Variants in CRYBA4 observed in about 807,000 individuals in gnomAD.
CRYBA4 encodes the protein beta-crystallin A4.
CRYBA4 carries 30 observed loss-of-function variants against 31.7 expected under a neutral mutation model. The observed-to-expected ratio is 0.95, with a 90% CI of 0.71 to 1.28. The LOEUF (loss-of-function observed/expected upper bound fraction) is 1.28. Ranked by LOEUF, CRYBA4 falls within the 50% of genes most tolerant of loss-of-function variation. CRYBA4 has a pLI of 0.00. For synonymous variants in CRYBA4, 102 were observed against 102.3 expected (o/e 1.00, Z 0.02); for missense variants, 225 against 260.7 (o/e 0.86, Z 0.94).
At chr22:26,591,225 C>T in the CRYBA4 span, among the ~76,000 whole-genome samples, 1 of 151,916 alleles carries the variant, frequency 6.6e-6, no homozygotes, top group East Asian at 1.9e-4. Flanking sequence ...ACGAAAATGA[C>T]TTTGGGAGGC....
intron 4 of CRYBA4, among the ~76,000 whole-genome samples, chr22:26,627,536 T>G (rs1411114523): frequency 7.7e-6 from 1 of 130,524 alleles, no homozygotes; most frequent in African/African-American, 3.0e-5. Flanking sequence ...CTTTCTTTCC[T>G]TTTCTTTCTT....
intron 5 of CRYBA4, 46 bp downstream of exon 5, chr22:26,628,476 A>T (rs1281947515): frequency 6.2e-7 from 1 of 1,609,496 alleles, no homozygotes; most frequent in Middle Eastern, 1.7e-4. Flanking sequence ...GGCTACTGGG[A>T]GGGGTAGGTG....
At chr22:26,605,365 C>T in the CRYBA4 span, among the ~76,000 whole-genome samples, 5 of 152,254 alleles carry the variant, frequency 3.3e-5, no homozygotes, top group Admixed American at 3.3e-4. Flanking sequence ...GAGCCTAGAA[C>T]CAGAGCCTGG....
the CRYBA4 span, among the ~76,000 whole-genome samples, chr22:26,614,334 G>A: frequency 6.6e-6 from 1 of 152,152 alleles, no homozygotes; most frequent in Non-Finnish European, 1.5e-5. Context: ...GACATGTGAT[G>A]TCTCCCCCGG....
At chr22:26,615,490 A>G in the CRYBA4 span, among the ~76,000 whole-genome samples, 3 of 151,736 alleles carry the variant, frequency 2.0e-5, no homozygotes, top group Admixed American at 6.6e-5. Context: ...GCACAACTCA[A>G]CTATAGGTCC....
chr22:26,627,394 T>G (rs1929752224), intron 4 of CRYBA4, among the ~76,000 whole-genome samples: 1 of 89,734 alleles, frequency 1.1e-5, no homozygotes, highest in African/African-American at 7.0e-5. Flanking sequence ...CTTTCTTTCT[T>G]TCTTTCTTTC....
At chr22:26,592,893 T>C in the CRYBA4 span, among the ~76,000 whole-genome samples, 4 of 152,160 alleles carry the variant, frequency 2.6e-5, no homozygotes, top group Non-Finnish European at 2.9e-5. Flanking sequence ...TTGGCAGATC[T>C]CAGTTGAGAG....
intron 4 of CRYBA4, among the ~76,000 whole-genome samples, chr22:26,627,590 C>CTCTT (rs200243305): frequency 1.8e-5 from 2 of 109,270 alleles, no homozygotes; most frequent in African/African-American, 3.5e-5. Flanking sequence ...CTTTCTTTTT[C>CTCTT]TCTTTCTTTC....
At position 26,621,998 on chromosome 22, in the gene CRYBA4, G is replaced by A. The variant is rs2145977705; in HGVS notation, c.-13+12G>A. 2.0e-6 allele frequency: 2 copies of A among 986,368 alleles called. No homozygotes were observed. The highest frequency in any genetic ancestry group is 4.7e-5 in the South Asian group (1 of 21,328). 61.1% of individuals were successfully genotyped at this position (986,368 alleles called of 1,614,324 possible). ...CTGGGCCTATCTCGGTAAGTCCCAG[G>A]TTTGGAGGAGGGGTGGGATCAGAGT... On this transcript the variant is annotated intron_variant, in intron 1 of 5. Transcript: ENST00000354760.
At chr22:26,603,137 A>AAC in the CRYBA4 span, among the ~76,000 whole-genome samples, 474 of 147,418 alleles carry the variant, frequency 3.2e-3, 2 homozygotes, top group African/African-American at 0.011. Context: ...AAAAAAAAAA[A>AAC]AAAAAAACAA....
chr22:26,625,962 G>A (rs1358806077), intron 4 of CRYBA4, among the ~76,000 whole-genome samples: 1 of 152,110 alleles, frequency 6.6e-6, no homozygotes, highest in Non-Finnish European at 1.5e-5. Context: ...GGGATGGTAG[G>A]GCCAAGTGGA....
chr22:26,626,257 AGTT>A (rs1299013359), intron 4 of CRYBA4, among the ~76,000 whole-genome samples: 1 of 152,146 alleles, frequency 6.6e-6, no homozygotes, highest in Non-Finnish European at 1.5e-5. Flanking sequence ...CAAAAAAATT[AGTT>A]GAGTGTGGTG....
the CRYBA4 span, among the ~76,000 whole-genome samples, chr22:26,590,503 G>T: frequency 2.6e-5 from 4 of 152,224 alleles, no homozygotes; most frequent in Non-Finnish European, 5.9e-5. Context: ...ACAGAAAAAA[G>T]AAAGGGGTGG....
chr22:26,596,269 A>G, the CRYBA4 span, among the ~76,000 whole-genome samples: 2 of 151,714 alleles, frequency 1.3e-5, no homozygotes, highest in African/African-American at 2.4e-5. Flanking sequence ...CTAATTTTTT[A>G]TATTTTTAAT....
At chr22:26,619,460 G>A (rs1157101751), upstream of CRYBA4, among the ~76,000 whole-genome samples, 1 of 152,210 alleles carries the variant, frequency 6.6e-6, no homozygotes, top group Admixed American at 6.5e-5. Context: ...AGGAGCCTGG[G>A]GAGCTGCTCA....
At chr22:26,591,947 AT>A in the CRYBA4 span, among the ~76,000 whole-genome samples, 1 of 150,064 alleles carries the variant, frequency 6.7e-6, no homozygotes, top group African/African-American at 2.5e-5. Flanking sequence ...GGGCACACAG[AT>A]ATTAAGTAAT....
upstream of CRYBA4, among the ~76,000 whole-genome samples, chr22:26,621,305 C>T (rs1329697559): frequency 6.6e-6 from 1 of 152,232 alleles, no homozygotes; most frequent in Non-Finnish European, 1.5e-5. Context: ...CCTCACTTCC[C>T]TTCAGGTCCC....
the CRYBA4 span, among the ~76,000 whole-genome samples, chr22:26,604,832 C>T: frequency 8.5e-5 from 13 of 152,280 alleles, no homozygotes; most frequent in Non-Finnish European, 1.0e-4. Flanking sequence ...ATTACTGTTA[C>T]GGTCTTGAGG....
chr22:26,615,998 A>G, the CRYBA4 span: 1 of 730,638 alleles, frequency 1.4e-6, no homozygotes, highest in Non-Finnish European at 2.5e-6. Context: ...TAGAAAGGAG[A>G]GAAAATAAGC....
Sources: allele counts gnomAD v4.1 joint callset (sites outside exome capture counted in the v4.1 genomes callset), GRCh38; gene constraint gnomAD v4.1.1; transcripts MANE v1.5; gene names NCBI Gene and HGNC (gene_info 2026-07-23, HGNC 2026-07-21).